The following OR5D3 variants were observed in gnomAD, a reference collection of about 807,000 sequenced individuals.
The protein encoded by OR5D3 is olfactory receptor 5D3.
At chr11:55,725,797 G>C in the OR5D3 span, among the ~76,000 whole-genome samples, 1 of 151,996 alleles carries the variant, frequency 6.6e-6, no homozygotes, top group Non-Finnish European at 1.5e-5. Context: ...AATTTGTTAA[G>C]AGTTGTAAGT....
At chr11:55,727,015 T>C in the OR5D3 span, 539 of 401,472 alleles carry the variant, frequency 1.3e-3, 1 homozygote, top group Non-Finnish European at 2.1e-4. Flanking sequence ...CAAAAGTTCA[T>C]GGCTCATGGT....
the OR5D3 span, among the ~76,000 whole-genome samples, chr11:55,724,491 T>A: frequency 1.1e-4 from 17 of 151,956 alleles, 1 homozygote; most frequent in African/African-American, 4.1e-4. Context: ...GATGGTAAAA[T>A]AAAGCATTAT....
At chr11:55,724,767 C>A in the OR5D3 span, among the ~76,000 whole-genome samples, 2 of 151,940 alleles carry the variant, frequency 1.3e-5, no homozygotes, top group Non-Finnish European at 2.9e-5. Context: ...AAGGACATTT[C>A]AAATTGAGGA....
chr11:55,726,928 T>C, the OR5D3 span: 1 of 399,636 alleles, frequency 2.5e-6, no homozygotes, highest in East Asian at 3.6e-5. Context: ...GAAAGCGTTC[T>C]CCACGTGTGC....
At chr11:55,725,000 C>T in the OR5D3 span, among the ~76,000 whole-genome samples, 4 of 152,002 alleles carry the variant, frequency 2.6e-5, no homozygotes, top group Admixed American at 2.6e-4. Flanking sequence ...TAAAATTCTA[C>T]AGTACTTCCA....
At chr11:55,727,895 T>C in the OR5D3 span, 2 of 152,186 alleles carry the variant, frequency 1.3e-5, no homozygotes, top group African/African-American at 4.8e-5. Flanking sequence ...CCCCCTAAGA[T>C]AGTACAATAT....
chr11:55,725,158 T>C, the OR5D3 span, among the ~76,000 whole-genome samples: 245 of 152,116 alleles, frequency 1.6e-3, 2 homozygotes, highest in African/African-American at 5.6e-3. Flanking sequence ...AATATAAAAG[T>C]GAATATCTAA....
At chr11:55,724,620 A>G in the OR5D3 span, among the ~76,000 whole-genome samples, 1 of 152,130 alleles carries the variant, frequency 6.6e-6, no homozygotes, top group Admixed American at 6.5e-5. Flanking sequence ...TTGAGTATCT[A>G]GATCTAAGCA....
chr11:55,725,102 C>G, the OR5D3 span, among the ~76,000 whole-genome samples: 1 of 151,994 alleles, frequency 6.6e-6, no homozygotes, highest in African/African-American at 2.4e-5. Flanking sequence ...ATTTCAATAA[C>G]TACTTAAGGT....
chr11:55,727,353 G>T, the OR5D3 span: 90,138 of 351,308 alleles, frequency 0.26, 13,017 homozygotes, highest in Middle Eastern at 0.35. Flanking sequence ...TTTTGATCGA[G>T]AATATTGTAA....
the OR5D3 span, chr11:55,729,354 A>T: frequency 6.6e-6 from 1 of 151,854 alleles, no homozygotes; most frequent in African/African-American, 2.4e-5. Flanking sequence ...AAACTTTTGG[A>T]TACAGTAGGT....
the OR5D3 span, among the ~76,000 whole-genome samples, chr11:55,725,796 A>G: frequency 3.1e-3 from 468 of 152,182 alleles, 7 homozygotes; most frequent in African/African-American, 0.01. Flanking sequence ...CAATTTGTTA[A>G]GAGTTGTAAG....
At chr11:55,728,629 A>G in the OR5D3 span, 3 of 152,078 alleles carry the variant, frequency 2.0e-5, no homozygotes, top group Non-Finnish European at 2.9e-5. Context: ...TGAAGGTCCA[A>G]TCCAAGCTGT....
At chr11:55,728,180 A>G in the OR5D3 span, 1 of 152,024 alleles carries the variant, frequency 6.6e-6, no homozygotes, top group Admixed American at 6.6e-5. Flanking sequence ...AAGCAGAGCC[A>G]CAATAGAGTA....
the OR5D3 span, chr11:55,728,275 C>G: frequency 6.6e-6 from 1 of 151,854 alleles, no homozygotes; most frequent in African/African-American, 2.4e-5. Flanking sequence ...ACGTCCAAGC[C>G]CCAAAGCAAG....
chr11:55,729,518 TC>T, the OR5D3 span: 5 of 152,024 alleles, frequency 3.3e-5, no homozygotes, highest in Non-Finnish European at 4.4e-5. Flanking sequence ...ATGTCAACTT[TC>T]ATATTATGTT....
the OR5D3 span, among the ~76,000 whole-genome samples, chr11:55,725,329 G>A: frequency 1.3e-5 from 2 of 151,902 alleles, no homozygotes; most frequent in African/African-American, 2.4e-5. Flanking sequence ...ATGGTGTCCT[G>A]TTTGAGATGG....
chr11:55,724,823 A>T, the OR5D3 span, among the ~76,000 whole-genome samples: 1 of 152,138 alleles, frequency 6.6e-6, no homozygotes, highest in Admixed American at 6.5e-5. Context: ...TAGTGTTAAG[A>T]TTTTTATAAA....
chr11:55,727,904 A>G, the OR5D3 span: 1 of 152,114 alleles, frequency 6.6e-6, no homozygotes, highest in Non-Finnish European at 1.5e-5. Flanking sequence ...ATAGTACAAT[A>G]TAACAACCAG....
Sources: gnomAD v4.1 joint callset for allele counts (sites outside exome capture counted in the v4.1 genomes callset) on GRCh38, gnomAD v4.1.1 for gene constraint, MANE v1.5 for transcripts, NCBI Gene and HGNC (gene_info 2026-07-23, HGNC 2026-07-21) for gene names.